Variants in CDH8 observed in about 807,000 individuals in gnomAD.
CDH8 encodes the protein cadherin-8.
CDH8 carries 17 observed loss-of-function variants against 68.1 expected under a neutral mutation model. That is an observed-to-expected ratio of 0.25 (90% CI 0.17 to 0.37). The LOEUF is 0.37. CDH8 is among the 10% of genes least tolerant of loss of function. The pLI, the probability that CDH8 is intolerant of heterozygous loss-of-function variation, is 1.00. For synonymous variants in CDH8, 372 were observed against 365.1 expected (o/e 1.02, Z -0.21); for missense variants, 763 against 999.3 (o/e 0.76, Z 3.19).
At chr16:61,804,382 C>G (rs371989280) in intron 7 of CDH8, among the ~76,000 whole-genome samples, 3 of 151,936 alleles carry the variant, frequency 2.0e-5, no homozygotes, top group Admixed American at 6.6e-5. Context: ...ATCCAAAATT[C>G]ACACCCTAAC....
chr16:62,005,553 T>G (rs924488407), intron 2 of CDH8, among the ~76,000 whole-genome samples: 1 of 151,600 alleles, frequency 6.6e-6, no homozygotes, highest in Non-Finnish European at 1.5e-5. Flanking sequence ...CTGGCCAACA[T>G]GGTGAAACTC....
chr16:61,752,155 GA>G (rs1471492872), intron 8 of CDH8, among the ~76,000 whole-genome samples: 1 of 152,118 alleles, frequency 6.6e-6, no homozygotes, highest in East Asian at 1.9e-4. Context: ...GAATAAGGAG[GA>G]TCTGGTACTT....
chr16:61,940,326 A>G (rs1255414860), intron 2 of CDH8: 1 of 151,870 alleles, frequency 6.6e-6, no homozygotes, highest in Non-Finnish European at 1.5e-5. Context: ...TGGCTTCTGA[A>G]TATGTGTGCT....
intron 2 of CDH8, among the ~76,000 whole-genome samples, chr16:62,008,822 A>G (rs1353858348): frequency 6.6e-6 from 1 of 152,136 alleles, no homozygotes; most frequent in East Asian, 1.9e-4. Flanking sequence ...CAAACATCTA[A>G]TGATTTCTGA....
At chr16:61,763,959 G>T (rs1960529214) in intron 8 of CDH8, among the ~76,000 whole-genome samples, 2 of 152,128 alleles carry the variant, frequency 1.3e-5, no homozygotes, top group African/African-American at 2.4e-5. Flanking sequence ...TATTGAACAT[G>T]ATATGCTAGT....
At chr16:61,702,481 AT>A (rs1469902158) in intron 10 of CDH8, among the ~76,000 whole-genome samples, 22 of 152,360 alleles carry the variant, frequency 1.4e-4, no homozygotes, top group African/African-American at 5.3e-4. Context: ...GGTCAGATAC[AT>A]AGAGTCAAAA....
chr16:61,883,665 A>G (rs895883455), intron 3 of CDH8, among the ~76,000 whole-genome samples: 4 of 150,856 alleles, frequency 2.7e-5, no homozygotes, highest in African/African-American at 9.8e-5. Flanking sequence ...GGCATACTTG[A>G]TAGCAGACCA....
intron 7 of CDH8, among the ~76,000 whole-genome samples, chr16:61,792,022 G>A (rs900109005): frequency 7.9e-5 from 12 of 151,732 alleles, no homozygotes; most frequent in Admixed American, 2.6e-4. Flanking sequence ...CATCATCATC[G>A]TCATCTTCAT....
In CDH8 at chr16:61,653,614, T is replaced by G; in HGVS notation, c.2394A>C (p.Glu798Asp). ...ATTTATTTATAATCCACTGTCAAGT[T>G]TCTTTGTCACTTTCACCAACAGAGT... Reference protein sequence around the residue: ...ELYSVGESDKET With the variant: ...ELYSVGESDKDT The change falls in exon 12 of 12, where the codon GAA becomes GAC. Residue 798 changes from glutamate (E) to aspartate (D), a missense_variant. Around this residue, in one of 2 missense-constraint regions of CDH8, gnomAD observed 397 missense variants for 436.2 expected, o/e 0.91. Coordinates refer to ENST00000577390, the MANE Select transcript of CDH8 (RefSeq NM_001796.5). 6.2e-7 allele frequency: 1 copy of G among 1,607,148 alleles called. No homozygotes were observed. Among genetic ancestry groups the G allele is most frequent in the Non-Finnish European group, 8.5e-7 (1 of 1,177,312 alleles).
chr16:61,869,893 T>C (rs1337013872), intron 3 of CDH8, among the ~76,000 whole-genome samples: 2 of 152,350 alleles, frequency 1.3e-5, no homozygotes, highest in East Asian at 3.9e-4. Flanking sequence ...AGTTGCCATA[T>C]TCAAGACTCT....
intron 2 of CDH8, among the ~76,000 whole-genome samples, chr16:61,980,085 A>T (rs914153713): frequency 6.6e-6 from 1 of 152,196 alleles, no homozygotes; most frequent in African/African-American, 2.4e-5. Context: ...TTCTAGAAAC[A>T]TGAGGGAAAG....
chr16:61,697,625 T>C (rs57679838), intron 10 of CDH8, among the ~76,000 whole-genome samples: 17,857 of 151,972 alleles, frequency 0.12, 1,025 homozygotes, highest in African/African-American at 0.12. Context: ...CTCAGCCTCC[T>C]GAGTAGCTGG....
rs182813104 is a variant in CDH8, at chr16:61,922,537, A to T, written c.253-21064T>A. ...GCTTTTTTCACTTTATTGTTTTTAGATAATGACATGCCAATTTTATGTATA... is the reference window on the plus strand; with the variant it reads ...GCTTTTTTCACTTTATTGTTTTTAGTTAATGACATGCCAATTTTATGTATA... On this transcript the variant is annotated intron_variant, in intron 2 of 11. Transcript: ENST00000577390. 4.6e-5 allele frequency among the ~76,000 whole-genome samples: 7 copies of T among 152,298 alleles called. No individual in the cohort carries two copies. The East Asian group carries it at 7.7e-4, about 17-fold the overall frequency.
At chr16:61,829,215 G>A (rs758778003) in intron 4 of CDH8, among the ~76,000 whole-genome samples, 16 of 151,762 alleles carry the variant, frequency 1.1e-4, no homozygotes, top group Admixed American at 4.0e-4. Context: ...TAGAGATATC[G>A]TTAAAGTAAA....
intron 7 of CDH8, among the ~76,000 whole-genome samples, chr16:61,801,634 C>T (rs536038125): frequency 1.8e-3 from 270 of 152,284 alleles, no homozygotes; most frequent in African/African-American, 6.4e-3. Flanking sequence ...CAAAGCAGGG[C>T]GAGGCATTGC....
At chr16:61,847,101 A>G (rs1962822877) in intron 4 of CDH8, among the ~76,000 whole-genome samples, 2 of 152,088 alleles carry the variant, frequency 1.3e-5, no homozygotes, top group African/African-American at 2.4e-5. Context: ...AATTAAATGT[A>G]TCAAAATCCT....
chr16:61,763,279 G>A lies in CDH8; in HGVS notation c.1414+26067C>T, dbSNP rs534090228. Among the ~76,000 whole-genome samples the A allele has an allele frequency of 3.9e-5, 6 of 152,102 alleles. No homozygotes were observed. In the South Asian group the frequency reaches 6.2e-4, roughly 16 times the overall value. On this transcript the variant is annotated intron_variant, in intron 8 of 11. Coordinates refer to ENST00000577390, the MANE Select transcript of CDH8 (RefSeq NM_001796.5). ...GGAATGTCATGAATTGCATACACAC[G>A]TGCCAGGGTCAGAATAGATACCAGT...
chr16:61,856,067 C>A (rs896168566), intron 4 of CDH8, among the ~76,000 whole-genome samples: 8 of 151,598 alleles, frequency 5.3e-5, no homozygotes, highest in Non-Finnish European at 8.8e-5. Flanking sequence ...AAGATTTTAC[C>A]CTTTGAATTT....
At position 61,810,044 on chromosome 16, in the gene CDH8, A is replaced by G. The variant is rs1961902092; in HGVS notation, c.1277+7435T>C. ...TATCATAAAAAATGTTTTGGTAAAC[A>G]CTGGTTTGAGGCCTCTGTATGGAAA... On this transcript the variant is annotated intron_variant, in intron 7 of 11. Coordinates refer to ENST00000577390, the MANE Select transcript of CDH8 (RefSeq NM_001796.5). 3.3e-5 allele frequency among the ~76,000 whole-genome samples: 5 copies of G among 152,332 alleles called. No homozygotes were observed. The South Asian group carries it at 1.0e-3, about 32-fold the overall frequency.
Sources: allele counts gnomAD v4.1 joint callset (sites outside exome capture counted in the v4.1 genomes callset), GRCh38; gene constraint gnomAD v4.1.1; regional missense constraint gnomAD v4.1.1; transcripts MANE v1.5; gene names NCBI Gene and HGNC (gene_info 2026-07-23, HGNC 2026-07-21).